Variants in KCNN3 observed in about 807,000 individuals in gnomAD.
KCNN3 encodes small conductance calcium-activated potassium channel protein 3.
KCNN3 carries 16 observed loss-of-function variants against 62.9 expected under a neutral mutation model. That is an observed-to-expected ratio of 0.25 (90% CI 0.17 to 0.39). The LOEUF (loss-of-function observed/expected upper bound fraction) is 0.39. KCNN3 is among the 10% of genes least tolerant of loss of function. The pLI is 1.00. For missense variants in KCNN3, 599 were observed against 949.4 expected, an observed-to-expected ratio of 0.63 and a Z score of 4.85; for synonymous variants, 370 against 389.2, an observed-to-expected ratio of 0.95 and a Z score of 0.58.
Position 154,707,876 on chromosome 1 carries a change from G to A in KCNN3, c.*100C>T, listed in dbSNP as rs994904668. 4 of 1,337,930 alleles carry A rather than the reference G, an allele frequency of 3.0e-6. No individual in the cohort carries two copies. In the Admixed American group the frequency reaches 6.5e-5, roughly 22 times the overall value. 82.9% of individuals were successfully genotyped at this position (1,337,930 alleles called of 1,614,324 possible). A position where few individuals can be genotyped will look rare whatever the true frequency, so the allele number is the denominator to read the frequency against. On this transcript the variant is annotated 3_prime_UTR_variant, in exon 8 of 8. Transcript: ENST00000271915. Reference sequence around the variant, plus strand: ...AATTAGCTCGGTCTCTCTTCTTTCCGTTCCCTGGTCTGAATGTTTCTTGAT... The same window carrying A: ...AATTAGCTCGGTCTCTCTTCTTTCCATTCCCTGGTCTGAATGTTTCTTGAT...
chr1:154,800,704 G>A (rs984845695), intron 2 of KCNN3, among the ~76,000 whole-genome samples: 1 of 152,074 alleles, frequency 6.6e-6, no homozygotes, highest in African/African-American at 2.4e-5. Context: ...TCCTTCCCTA[G>A]ACTCCAGGCT....
At chr1:154,777,090 G>A (rs373818893) in intron 2 of KCNN3, among the ~76,000 whole-genome samples, 3 of 152,200 alleles carry the variant, frequency 2.0e-5, no homozygotes, top group African/African-American at 2.4e-5. Context: ...CACTTACTGC[G>A]TGCCCCTGGA....
At chr1:154,785,572 CTTTTTTTTTTTTT>C (rs59033291) in intron 2 of KCNN3, among the ~76,000 whole-genome samples, 1 of 107,980 alleles carries the variant, frequency 9.3e-6, no homozygotes, top group African/African-American at 3.8e-5. Context: ...TTTTCTTTTT[CTTTTTTTTTTTTT>C]TTTTTTTTTT....
At chr1:154,710,503 A>G (rs1700052807) in intron 7 of KCNN3, among the ~76,000 whole-genome samples, 1 of 152,106 alleles carries the variant, frequency 6.6e-6, no homozygotes, top group Admixed American at 6.6e-5. Context: ...TTTCCAGGTA[A>G]CTTGCTCCTG....
At chr1:154,806,189 C>A (rs1435468661) in intron 2 of KCNN3, among the ~76,000 whole-genome samples, 1 of 152,160 alleles carries the variant, frequency 6.6e-6, no homozygotes, top group Non-Finnish European at 1.5e-5. Flanking sequence ...TGGTCACCAG[C>A]TAAGAAGGGA....
intron 2 of KCNN3, among the ~76,000 whole-genome samples, chr1:154,808,944 G>A (rs763813842): frequency 2.6e-4 from 39 of 152,130 alleles, no homozygotes; most frequent in African/African-American, 7.5e-4. Flanking sequence ...GGCGGCTCCC[G>A]CAGAGCCGCC....
intron 1 of KCNN3, among the ~76,000 whole-genome samples, chr1:154,831,836 C>T (rs570583861): frequency 6.6e-6 from 1 of 152,194 alleles, no homozygotes; most frequent in African/African-American, 2.4e-5. Flanking sequence ...TTTAGCATCC[C>T]GGTGTCTATG....
rs548136237 is a variant in KCNN3, at chr1:154,862,836, G to A, written c.933+6196C>T. Among the ~76,000 whole-genome samples, 3 of 152,194 alleles carry A rather than the reference G, an allele frequency of 2.0e-5. No individual in the cohort carries two copies. In the East Asian group the frequency reaches 5.8e-4, roughly 29 times the overall value. ...AAAGTTCCTCCTGTTCCAACATTTTGCATCACGGGTCTCAGTGCCATAAAC... is the reference window on the plus strand; with the variant it reads ...AAAGTTCCTCCTGTTCCAACATTTTACATCACGGGTCTCAGTGCCATAAAC... On this transcript the variant is annotated intron_variant, in intron 1 of 7. Transcript: ENST00000271915. The surrounding 1 kb of genome is among the most constrained non-coding windows in gnomAD (Gnocchi z 4.1).
rs1444734328 is a variant in KCNN3, at chr1:154,701,948, T to C, written c.*6028A>G. 3.3e-5 allele frequency: 5 copies of C among 152,318 alleles called. No individual in the cohort carries two copies. Among genetic ancestry groups the C allele is most frequent in the East Asian group, 1.9e-4 (1 of 5,194 alleles). The allele number at this position is 152,318 out of a possible 1,614,324, so 9.4% of individuals were successfully genotyped here. On this transcript the variant is annotated 3_prime_UTR_variant, in exon 8 of 8. Transcript: ENST00000271915. The stretch of plus-strand genomic sequence containing the variant: ...ACTGGTTGGCTAGGTTTGAGACTTA[T>C]ATAATTTATGTAATGAGGCCTTTGA...
At chr1:154,786,739 A>G (rs984524664) in intron 2 of KCNN3, among the ~76,000 whole-genome samples, 4 of 152,240 alleles carry the variant, frequency 2.6e-5, no homozygotes, top group Admixed American at 2.0e-4. Context: ...GATGGGAATC[A>G]GGGAACCTAT....
At position 154,869,241 on chromosome 1, in the gene KCNN3, T is replaced by C. The variant is rs982123538; in HGVS notation, c.724A>G (p.Asn242Asp). ...GCGGTGGTGCCGGCATGCTGGTGGT[T>C]GTGGGTGGCATTAGGGTGATGGAGC... ...TLLHHPNATH[N>D]HQHAGTTASS... Residue 242 changes from asparagine (N) to aspartate (D), a missense_variant, in exon 1 of 8, where the codon AAC (asparagine) becomes GAC (aspartate). Asn to Asp is a conservative substitution (Grantham distance 23). This residue lies in a region of KCNN3 where 80 missense variants were observed against 85.4 expected (regional missense o/e 0.94). Coordinates refer to ENST00000271915, the MANE Select transcript of KCNN3 (RefSeq NM_002249.6). This position sits in a 1 kb window ranked among gnomAD's most constrained non-coding sequence, Gnocchi z 6.1. The C allele has an allele frequency of 4.3e-6, 7 of 1,612,754 alleles. No individual in the cohort carries two copies. Among genetic ancestry groups the C allele is most frequent in the African/African-American group, 2.7e-5 (2 of 74,560 alleles).
intron 7 of KCNN3, among the ~76,000 whole-genome samples, chr1:154,712,923 C>T (rs562126005): frequency 7.2e-5 from 11 of 152,244 alleles, no homozygotes; most frequent in African/African-American, 2.4e-4. Flanking sequence ...TCTTCATGTT[C>T]CTTGTAGGCT....
intron 1 of KCNN3, among the ~76,000 whole-genome samples, chr1:154,855,751 G>A (rs919525526): frequency 6.6e-6 from 1 of 152,194 alleles, no homozygotes; most frequent in Middle Eastern, 3.2e-3. Flanking sequence ...GCACATAACA[G>A]GCATTCAATA....
intron 3 of KCNN3, among the ~76,000 whole-genome samples, chr1:154,759,978 C>G (rs1171537999): frequency 6.6e-6 from 1 of 151,928 alleles, no homozygotes; most frequent in Non-Finnish European, 1.5e-5. Flanking sequence ...TATTTTCTCT[C>G]TCTCTCCCAC....
intron 3 of KCNN3, among the ~76,000 whole-genome samples, chr1:154,757,780 A>G (rs897649372): frequency 3.9e-5 from 6 of 152,298 alleles, no homozygotes; most frequent in Non-Finnish European, 8.8e-5. Context: ...GTCCTGTGAC[A>G]ATGGTTGAGG....
chr1:154,744,352 C>T (rs1207013132), intron 3 of KCNN3, among the ~76,000 whole-genome samples: 1 of 152,214 alleles, frequency 6.6e-6, no homozygotes, highest in Non-Finnish European at 1.5e-5. Flanking sequence ...GCGTAACTGA[C>T]CTAACTAACT....
At chr1:154,798,126 T>C (rs1041914046) in intron 2 of KCNN3, among the ~76,000 whole-genome samples, 1 of 152,088 alleles carries the variant, frequency 6.6e-6, no homozygotes, top group East Asian at 1.9e-4. Context: ...ATATTGCAAA[T>C]TGCCAGCAGC....
intron 1 of KCNN3, among the ~76,000 whole-genome samples, chr1:154,860,151 G>A (rs1049743946): frequency 1.8e-4 from 28 of 152,208 alleles, no homozygotes; most frequent in African/African-American, 6.8e-4. Flanking sequence ...CTCCAAGCAG[G>A]GTGAAGGGGC....
At chr1:154,864,749 G>A (rs373891729) in intron 1 of KCNN3, among the ~76,000 whole-genome samples, 43 of 152,366 alleles carry the variant, frequency 2.8e-4, no homozygotes, top group African/African-American at 9.4e-4. Context: ...CCAGGCAGGG[G>A]CCACAGAGAG....
Sources: allele counts gnomAD v4.1 joint callset (sites outside exome capture counted in the v4.1 genomes callset), GRCh38; gene constraint gnomAD v4.1.1; regional missense constraint gnomAD v4.1.1; non-coding constraint Gnocchi (gnomAD v3.1); transcripts MANE v1.5; gene names NCBI Gene and HGNC (gene_info 2026-07-23, HGNC 2026-07-21).